The following RIC1 variants were observed in gnomAD, a reference collection of about 807,000 sequenced individuals.
The protein encoded by RIC1 is guanine nucleotide exchange factor subunit RIC1.
In RIC1, 88 loss-of-function variants were observed where a neutral mutation model predicts 169.0. The ratio of observed to expected loss-of-function variants is 0.52; its 90% CI spans 0.44 to 0.62. The LOEUF is 0.62. Among genes scored for constraint, RIC1 ranks in the 20% least tolerant of loss-of-function variants. The pLI, the probability that RIC1 is intolerant of heterozygous loss-of-function variation, is 0.00. For synonymous variants in RIC1, 790 were observed against 601.5 expected (o/e 1.31, Z -4.59); for missense variants, 1,877 against 1,725.5 (o/e 1.09, Z -1.56).
chr9:5,711,403 C>G (rs1010326151), intron 3 of RIC1, among the ~76,000 whole-genome samples: 11 of 152,028 alleles, frequency 7.2e-5, no homozygotes, highest in African/African-American at 2.7e-4. Context: ...TTAAGGAAAC[C>G]AAACCACAAT....
chr9:5,654,991 T>C (rs1819002739), intron 1 of RIC1, among the ~76,000 whole-genome samples: 1 of 152,242 alleles, frequency 6.6e-6, no homozygotes, highest in Non-Finnish European at 1.5e-5. Context: ...GTCAATTCTG[T>C]CAAATTTTCT....
In RIC1 at chr9:5,775,282, AGT is replaced by A. The variant is rs1426431899; in HGVS notation, c.*1041_*1042del. 6.6e-6 allele frequency: 1 copy of A among 152,222 alleles called. No individual in the cohort carries two copies. The highest frequency in any genetic ancestry group is 1.9e-4 in the East Asian group (1 of 5,204). The allele number at this position is 152,222 out of a possible 1,614,324, so 9.4% of individuals were successfully genotyped here. On this transcript the variant is annotated 3_prime_UTR_variant, in exon 26 of 26. Transcript: ENST00000414202. ...TGTATTACCACGGCTACTAAAAATT[AGT>A]GTGTAAAGAATGCATTCTTCATTGT...
Position 5,774,414 on chromosome 9 carries a change from C to A in RIC1, c.*168C>A. ...CTTGTCTAAGAAATCTTTTTGACTC[C>A]ATAAAAATGTGATATAAAGCATCTT... On this transcript the variant is annotated 3_prime_UTR_variant, in exon 26 of 26. Coordinates refer to ENST00000414202, the MANE Select transcript of RIC1 (RefSeq NM_020829.4). 1 of 542,938 alleles carries A rather than the reference C, an allele frequency of 1.8e-6. No homozygotes were observed. Among genetic ancestry groups the A allele is most frequent in the South Asian group, 5.9e-5 (1 of 17,010 alleles). 33.6% of individuals were successfully genotyped at this position (542,938 alleles called of 1,614,324 possible).
chr9:5,719,443 T>G (rs1361087311), intron 4 of RIC1: 1 of 152,240 alleles, frequency 6.6e-6, no homozygotes, highest in Non-Finnish European at 1.5e-5. Context: ...TGAGAAGTCC[T>G]CTGAAGACGG....
At position 5,763,919 on chromosome 9, in the gene RIC1, G is replaced by A; in HGVS notation, c.2841+51G>A. On this transcript the variant is annotated intron_variant, in intron 19 of 25. Transcript: ENST00000414202. This position sits in a 1 kb window ranked among gnomAD's most constrained non-coding sequence, Gnocchi z 5.2. ...GCAAGAATTAATGAGCTTAAACTTA[G>A]AAAAATAGAAATGTCCTGTTTTGAC... is the stretch of plus-strand genomic sequence containing the variant. 6.6e-7 allele frequency: 1 copy of A among 1,517,508 alleles called. No homozygotes were observed. Among genetic ancestry groups the A allele is most frequent in the Non-Finnish European group, 8.9e-7 (1 of 1,129,798 alleles). 94.0% of individuals were successfully genotyped at this position (1,517,508 alleles called of 1,614,324 possible).
intron 4 of RIC1, among the ~76,000 whole-genome samples, chr9:5,719,941 GT>G (rs373552809): frequency 1.5e-3 from 223 of 152,086 alleles, no homozygotes; most frequent in African/African-American, 5.0e-3. Context: ...AATATTTGTA[GT>G]TTTTAACTAG....
At chr9:5,681,347 T>C (rs934688356) in intron 2 of RIC1, among the ~76,000 whole-genome samples, 1 of 152,184 alleles carries the variant, frequency 6.6e-6, no homozygotes, top group African/African-American at 2.4e-5. Context: ...GTCCCAGAGA[T>C]TCTGGTTATG....
At chr9:5,689,044 C>CTTTT (rs34717277) in intron 2 of RIC1, among the ~76,000 whole-genome samples, 1,613 of 98,918 alleles carry the variant, frequency 0.016, 18 homozygotes, top group East Asian at 0.022. Flanking sequence ...AATACAATTT[C>CTTTT]TTTTTTTTTT....
chr9:5,724,123 G>A (rs1275724332), intron 6 of RIC1, among the ~76,000 whole-genome samples: 3 of 152,114 alleles, frequency 2.0e-5, no homozygotes, highest in Non-Finnish European at 4.4e-5. Context: ...GATGGGGATG[G>A]CATTGAATCT....
rs185267315 is a variant in RIC1 at position 5,689,545 on chromosome 9, G to T, written c.253-414G>T. ...GAAGTTAATACTGTGTAAATTTTGA[G>T]TAGAGTAAGCGTTTTGTCTTAAAGG... is the stretch of plus-strand genomic sequence containing the variant. On this transcript the variant is annotated intron_variant, in intron 2 of 25. Coordinates refer to ENST00000414202, the MANE Select transcript of RIC1 (RefSeq NM_020829.4). Among the ~76,000 whole-genome samples the T allele has an allele frequency of 5.9e-5, 9 of 152,248 alleles. No individual in the cohort carries two copies. The East Asian group carries it at 1.7e-3, about 29-fold the overall frequency.
chr9:5,753,991 C>G (rs1024396246), intron 14 of RIC1, among the ~76,000 whole-genome samples: 4 of 152,110 alleles, frequency 2.6e-5, no homozygotes, highest in Non-Finnish European at 4.4e-5. Flanking sequence ...CATGCCTATT[C>G]TGTGTGTGAT....
intron 6 of RIC1, among the ~76,000 whole-genome samples, chr9:5,723,221 G>A (rs1431603640): frequency 6.6e-6 from 1 of 152,156 alleles, no homozygotes; most frequent in African/African-American, 2.4e-5. Flanking sequence ...AGGACCTATT[G>A]TTTCCTAAGT....
chr9:5,703,709 G>A (rs774673141), intron 3 of RIC1, among the ~76,000 whole-genome samples: 7 of 152,138 alleles, frequency 4.6e-5, no homozygotes, highest in African/African-American at 1.2e-4. Flanking sequence ...TCAGTACTTC[G>A]TTTCTTTTAT....
At chr9:5,747,203 A>C in intron 11 of RIC1, 99 bp from the exon 12 acceptor site, 1 of 855,504 alleles carries the variant, frequency 1.2e-6, no homozygotes, top group Admixed American at 2.2e-5. Flanking sequence ...CATTTCCTAT[A>C]ATAAAACTAA....
At chr9:5,654,206 G>A (rs1818958476) in intron 1 of RIC1, among the ~76,000 whole-genome samples, 3 of 151,956 alleles carry the variant, frequency 2.0e-5, no homozygotes, top group African/African-American at 7.3e-5. Flanking sequence ...GTTTCACCAT[G>A]TTGCCCAGGC....
intron 2 of RIC1, among the ~76,000 whole-genome samples, chr9:5,673,987 A>T (rs964893984): frequency 1.3e-5 from 2 of 152,198 alleles, no homozygotes; most frequent in African/African-American, 4.8e-5. Context: ...TCTACTTAAG[A>T]AACTAACAGA....
chr9:5,752,332 A>C (rs1825770227), intron 12 of RIC1, among the ~76,000 whole-genome samples: 2 of 152,124 alleles, frequency 1.3e-5, no homozygotes, highest in Non-Finnish European at 1.5e-5. Context: ...TCATGTACAT[A>C]TATATATGTT....
At chr9:5,648,556 G>A (rs1458331694) in intron 1 of RIC1, among the ~76,000 whole-genome samples, 1 of 152,116 alleles carries the variant, frequency 6.6e-6, no homozygotes, top group Non-Finnish European at 1.5e-5. Flanking sequence ...GGGATTGCTG[G>A]ATCATATGGT....
intron 3 of RIC1, among the ~76,000 whole-genome samples, chr9:5,710,016 A>G (rs1300630281): frequency 6.6e-6 from 1 of 152,216 alleles, no homozygotes; most frequent in Non-Finnish European, 1.5e-5. Flanking sequence ...AAAAGCTGAA[A>G]TAAAATTCCC....
Sources: allele counts gnomAD v4.1 joint callset (sites outside exome capture counted in the v4.1 genomes callset), GRCh38; gene constraint gnomAD v4.1.1; non-coding constraint Gnocchi (gnomAD v3.1); transcripts MANE v1.5; gene names NCBI Gene and HGNC (gene_info 2026-07-23, HGNC 2026-07-21).